The following GDF7 variants were observed in gnomAD, a reference collection of about 807,000 sequenced individuals.
The protein encoded by GDF7 is growth/differentiation factor 7.
Under a neutral mutation model 13.4 loss-of-function variants are expected in GDF7, and 12 were observed. That is an observed-to-expected ratio of 0.90 (90% CI 0.57 to 1.45). The LOEUF is 1.45. GDF7 is among the 40% of genes most tolerant of loss of function. The pLI is 0.00. For synonymous variants in GDF7, 330 were observed against 306.4 expected (o/e 1.08, Z -0.80); for missense variants, 651 against 652.4 (o/e 1.00, Z 0.02).
chr2:20,667,677 T>G lies in GDF7; in HGVS notation c.391+47T>G, dbSNP rs773985721. 32 of 1,315,152 alleles carry G rather than the reference T, an allele frequency of 2.4e-5. 1 individual carries two copies. In the South Asian group the frequency reaches 6.2e-4, roughly 26 times the overall value. The allele number at this position is 1,315,152 out of a possible 1,614,324, so 81.5% of individuals were successfully genotyped here. A position where few individuals can be genotyped will look rare whatever the true frequency, so the allele number is the denominator to read the frequency against. ...CCGCCCATCCCGTCAGGTCCTGGGC[T>G]GAGACCAGCCCCGGAGCCGTGCCGC... On this transcript the variant is annotated intron_variant, in intron 1 of 1. Coordinates refer to ENST00000272224, the MANE Select transcript of GDF7 (RefSeq NM_182828.4). This position sits in a 1 kb window ranked among gnomAD's most constrained non-coding sequence, Gnocchi z 6.4.
Position 20,668,588 on chromosome 2 carries a change from C to T in GDF7, c.391+958C>T, listed in dbSNP as rs192985533. 1.6e-4 allele frequency among the ~76,000 whole-genome samples: 25 copies of T among 152,292 alleles called. No individual in the cohort carries two copies. The East Asian group carries it at 1.9e-3, about 12-fold the overall frequency. The stretch of plus-strand genomic sequence containing the variant: ...ATGGAGGGCAGGAGGGAAAGAAAGG[C>T]GAATAGGGCTGGGAAGTGAGCGGGT... On this transcript the variant is annotated intron_variant, in intron 1 of 1. Coordinates refer to ENST00000272224, the MANE Select transcript of GDF7 (RefSeq NM_182828.4).
intron 1 of GDF7, among the ~76,000 whole-genome samples, chr2:20,668,658 C>A (rs540225324): frequency 6.6e-6 from 1 of 152,200 alleles, no homozygotes; most frequent in Admixed American, 6.5e-5. Context: ...AGTCAGCATA[C>A]CTCAGGTCCT....
At position 20,671,328 on chromosome 2, in the gene GDF7, G is replaced by A. The variant is rs146567848; in HGVS notation, c.1256G>A (p.Arg419His). 9.9e-6 allele frequency: 16 copies of A among 1,613,434 alleles called. No homozygotes were observed. The highest frequency in any genetic ancestry group is 1.2e-5 in the Non-Finnish European group (14 of 1,179,934). Residue 419 changes from arginine to histidine, a missense_variant, in exon 2 of 2, where the codon CGC (arginine) becomes CAC (histidine). Physicochemically the swap from Arg to His is conservative, Grantham distance 29. Coordinates refer to ENST00000272224, the MANE Select transcript of GDF7 (RefSeq NM_182828.4). ...CCGGCCTCCTGCTGTGTGCCAGCGCGCCTCAGCCCCATCAGCATCCTCTAC... is the reference window on the plus strand; with the variant it reads ...CCGGCCTCCTGCTGTGTGCCAGCGCACCTCAGCCCCATCAGCATCCTCTAC... ...AAPASCCVPA[R>H]LSPISILYID...
chr2:20,667,587 T>A lies in GDF7; in HGVS notation c.348T>A (p.Gly116=). 1 of 1,513,032 alleles carries A rather than the reference T, an allele frequency of 6.6e-7. No individual in the cohort carries two copies. Among genetic ancestry groups the A allele is most frequent in the Non-Finnish European group, 8.8e-7 (1 of 1,137,574 alleles). 93.7% of individuals were successfully genotyped at this position (1,513,032 alleles called of 1,614,324 possible). ...CCGCTGTCTCCGCCTCGGGCCATGG[T>A]CGCGCGGACACGATCACCGGCTTCA... ...GAAAVSASGH[G]RADTITGFTD... The change falls in exon 1 of 2, where the codon GGT becomes GGA. Residue 116 remains glycine (G), a synonymous_variant. Transcript: ENST00000272224. This position sits in a 1 kb window ranked among gnomAD's most constrained non-coding sequence, Gnocchi z 6.4.
Position 20,667,318 on chromosome 2 carries a change from G to A in GDF7, c.79G>A (p.Ala27Thr), listed in dbSNP as rs1695979525. ...CRPRDGLEAA[A>T]VLRAAGAGPV... ...CCCCCGCGACGGGCTGGAAGCGGCC[G>A]CCGTGCTGCGAGCGGCGGGGGCTGG... The change falls in exon 1 of 2, where the codon GCC becomes ACC. Residue 27 changes from alanine (A) to threonine (T), a missense_variant. By Grantham distance (58) the Ala-to-Thr change is moderately conservative. This residue lies in a region of GDF7 where 61 missense variants were observed against 50.5 expected (regional missense o/e 1.21). Coordinates refer to ENST00000272224, the MANE Select transcript of GDF7 (RefSeq NM_182828.4). The surrounding 1 kb of genome is among the most constrained non-coding windows in gnomAD (Gnocchi z 6.4). 3 of 1,103,392 alleles carry A rather than the reference G, an allele frequency of 2.7e-6. No homozygotes were observed. The highest frequency in any genetic ancestry group is 2.2e-6 in the Non-Finnish European group (2 of 906,596). 68.4% of individuals were successfully genotyped at this position (1,103,392 alleles called of 1,614,324 possible). A position where few individuals can be genotyped will look rare whatever the true frequency, so the allele number is the denominator to read the frequency against.
Position 20,671,000 on chromosome 2 carries a change from C to A in GDF7, c.928C>A (p.Pro310Thr). Residue 310 changes from proline (P) to threonine (T), a missense_variant, in exon 2 of 2, where the codon CCA becomes ACA. Around this residue, in one of 4 missense-constraint regions of GDF7, gnomAD observed 487 missense variants for 445.9 expected, o/e 1.09. Coordinates refer to ENST00000272224, the MANE Select transcript of GDF7 (RefSeq NM_182828.4). ...LPDPGTGTAS[P>T]RAVIGGRRRR... ...CGACCCAGGAACCGGCACCGCGTCG[C>A]CAAGGGCAGTCATTGGCGGCCGCAG... 6.4e-7 allele frequency: 1 copy of A among 1,550,424 alleles called. No homozygotes were observed.
At position 20,670,860 on chromosome 2, in the gene GDF7, A is replaced by G; in HGVS notation, c.788A>G (p.Glu263Gly). Residue 263 changes from glutamate (E) to glycine (G), a missense_variant, in exon 2 of 2, where the codon GAG (glutamate) becomes GGG (glycine). This residue lies in a region of GDF7 where 487 missense variants were observed against 445.9 expected (regional missense o/e 1.09). Transcript: ENST00000272224. Reference sequence around the variant, plus strand: ...CCGGGCGGAGGGGGCTCTGCGGCAGAGGAGCGCGCGGTGCTAGTCGTCTCC... The same window carrying G: ...CCGGGCGGAGGGGGCTCTGCGGCAGGGGAGCGCGCGGTGCTAGTCGTCTCC... ...GWPGGGGSAA[E>G]ERAVLVVSSR... The G allele has an allele frequency of 1.3e-6, 2 of 1,505,906 alleles. No individual in the cohort carries two copies. The highest frequency in any genetic ancestry group is 1.8e-6 in the Non-Finnish European group (2 of 1,134,412). 93.3% of individuals were successfully genotyped at this position (1,505,906 alleles called of 1,614,324 possible).
intron 1 of GDF7, among the ~76,000 whole-genome samples, chr2:20,668,370 A>AC (rs1217708027): frequency 2.0e-5 from 3 of 151,884 alleles, no homozygotes; most frequent in Non-Finnish European, 4.4e-5. Context: ...TAGACTAAGC[A>AC]CCCCACCTTG....
rs1695990979 is a variant in GDF7, at chr2:20,667,653, C to T, written c.391+23C>T. On this transcript the variant is annotated intron_variant, in intron 1 of 1. Transcript: ENST00000272224. This position sits in a 1 kb window ranked among gnomAD's most constrained non-coding sequence, Gnocchi z 6.4. Reference sequence around the variant, plus strand: ...AAGGTACTTACGCCTCTTCTGTGCCCGCCCATCCCGTCAGGTCCTGGGCTG... The same window carrying T: ...AAGGTACTTACGCCTCTTCTGTGCCTGCCCATCCCGTCAGGTCCTGGGCTG... 2.2e-6 allele frequency: 3 copies of T among 1,391,854 alleles called. No homozygotes were observed. Among genetic ancestry groups the T allele is most frequent in the South Asian group, 1.6e-5 (1 of 61,714 alleles). 86.2% of individuals were successfully genotyped at this position (1,391,854 alleles called of 1,614,324 possible). A position where few individuals can be genotyped will look rare whatever the true frequency, so the allele number is the denominator to read the frequency against.
At chr2:20,670,405 A>G in intron 1 of GDF7, 59 bp from the exon 2 acceptor site, 2 of 1,441,660 alleles carry the variant, frequency 1.4e-6, no homozygotes, top group African/African-American at 3.0e-5. Context: ...CCGCGCTGAC[A>G]GTGTGCAGGA....
In GDF7 at chr2:20,671,294, G is replaced by A; in HGVS notation, c.1222G>A (p.Asp408Asn). ...IQTLLNSMAP[D>N]AAPASCCVPA... is the part of the protein sequence containing the mutation. The stretch of plus-strand genomic sequence containing the variant: ...GACGCTGCTCAACTCCATGGCACCA[G>A]ACGCGGCGCCGGCCTCCTGCTGTGT... Residue 408 changes from aspartate to asparagine, a missense_variant, in exon 2 of 2, where the codon GAC (aspartate) becomes AAC (asparagine). Asp to Asn is a conservative substitution (Grantham distance 23). Around this residue, in one of 4 missense-constraint regions of GDF7, gnomAD observed 101 missense variants for 139.2 expected, o/e 0.73. Coordinates refer to ENST00000272224, the MANE Select transcript of GDF7 (RefSeq NM_182828.4). The A allele has an allele frequency of 2.5e-6, 4 of 1,613,832 alleles. No homozygotes were observed. The South Asian group carries it at 4.4e-5, about 18-fold the overall frequency.
chr2:20,667,555 G>A lies in GDF7; in HGVS notation c.316G>A (p.Gly106Arg). 2 of 1,483,038 alleles carry A rather than the reference G, an allele frequency of 1.3e-6. No homozygotes were observed. The highest frequency in any genetic ancestry group is 2.2e-5 in the Admixed American group (1 of 44,962). 91.9% of individuals were successfully genotyped at this position (1,483,038 alleles called of 1,614,324 possible). Residue 106 changes from glycine to arginine, a missense_variant, in exon 1 of 2, where the codon GGG becomes AGG. Coordinates refer to ENST00000272224, the MANE Select transcript of GDF7 (RefSeq NM_182828.4). The surrounding 1 kb of genome is among the most constrained non-coding windows in gnomAD (Gnocchi z 6.4). ...YRSLAGRAPA[G>R]AAAVSASGHG... ...GAGCCTGGCCGGGAGGGCTCCGGCC[G>A]GGGCAGCCGCTGTCTCCGCCTCGGG...
rs1662210823 is a variant in GDF7, at chr2:20,675,810, A to G, written c.*4385A>G. The G allele has an allele frequency of 1.3e-5, 2 of 152,150 alleles. No individual in the cohort carries two copies. The highest frequency in any genetic ancestry group is 4.1e-4 in the South Asian group (2 of 4,826). 9.4% of individuals were successfully genotyped at this position (152,150 alleles called of 1,614,324 possible). A position where few individuals can be genotyped will look rare whatever the true frequency, so the allele number is the denominator to read the frequency against. On this transcript the variant is annotated 3_prime_UTR_variant, in exon 2 of 2. Transcript: ENST00000272224. ...GTGTGCGTGTGTCCATTTTACTCCT[A>G]TCCTTAATAGGTGCCTCATGGATGT...
Position 20,670,970 on chromosome 2 carries a change from C to T in GDF7, c.898C>T (p.Leu300=). 1 of 1,558,682 alleles carries T rather than the reference C, an allele frequency of 6.4e-7. No homozygotes were observed. ...ALGAALASEP[L]PDPGTGTASP... ...CGGGGCCGCTCTGGCCTCAGAGCCG[C>T]TGCCCGACCCAGGAACCGGCACCGC... The change falls in exon 2 of 2, where the codon CTG becomes TTG. Residue 300 remains leucine (L), a synonymous_variant. Coordinates refer to ENST00000272224, the MANE Select transcript of GDF7 (RefSeq NM_182828.4).
Position 20,667,176 on chromosome 2 carries a change from G to T in GDF7, c.-64G>T. 9.2e-7 allele frequency: 1 copy of T among 1,086,570 alleles called. No homozygotes were observed. The highest frequency in any genetic ancestry group is 1.1e-6 in the Non-Finnish European group (1 of 894,910). The allele number at this position is 1,086,570 out of a possible 1,614,324, so 67.3% of individuals were successfully genotyped here. Reference sequence around the variant, plus strand: ...CCATTATTAAACACTATGTTCAAAAGGCGCCGGGGGACTTCCCGGAGCCAC... The same window carrying T: ...CCATTATTAAACACTATGTTCAAAATGCGCCGGGGGACTTCCCGGAGCCAC... On this transcript the variant is annotated 5_prime_UTR_variant, in exon 1 of 2. In the 5' UTR this introduces an upstream ATG that the reference lacks. Transcript: ENST00000272224. This position sits in a 1 kb window ranked among gnomAD's most constrained non-coding sequence, Gnocchi z 6.4.
rs766545045 is a variant in GDF7 at position 20,670,543 on chromosome 2, C to G, written c.471C>G (p.Ala157=). 7 of 1,604,958 alleles carry G rather than the reference C, an allele frequency of 4.4e-6. No individual in the cohort carries two copies. The South Asian group carries it at 5.6e-5, about 13-fold the overall frequency. ...SLNDADEVVG[A]ELRVLRRGSP... Reference sequence around the variant, plus strand: ...ACGACGCAGACGAGGTGGTGGGTGCCGAGCTGCGCGTGCTGCGCCGGGGAT... The same window carrying G: ...ACGACGCAGACGAGGTGGTGGGTGCGGAGCTGCGCGTGCTGCGCCGGGGAT... The change falls in exon 2 of 2, where the codon GCC becomes GCG. Residue 157 remains alanine (A), a synonymous_variant. Transcript: ENST00000272224.
Position 20,670,688 on chromosome 2 carries a change from C to A in GDF7, c.616C>A (p.Gln206Lys). ...YSRAAEPLVG[Q>K]RWEAFDVADA... Reference sequence around the variant, plus strand: ...GCGGGCAGCTGAGCCCCTAGTCGGTCAGCGCTGGGAGGCGTTCGACGTGGC... The same window carrying A: ...GCGGGCAGCTGAGCCCCTAGTCGGTAAGCGCTGGGAGGCGTTCGACGTGGC... The change falls in exon 2 of 2, where the codon CAG becomes AAG. Residue 206 changes from glutamine to lysine, a missense_variant. Gln to Lys is a moderately conservative substitution (Grantham distance 53). This residue lies in a region of GDF7 where 487 missense variants were observed against 445.9 expected (regional missense o/e 1.09). Transcript: ENST00000272224. 2 of 1,509,396 alleles carry A rather than the reference C, an allele frequency of 1.3e-6. No homozygotes were observed. Among genetic ancestry groups the A allele is most frequent in the East Asian group, 2.5e-5 (1 of 39,906 alleles). 93.5% of individuals were successfully genotyped at this position (1,509,396 alleles called of 1,614,324 possible).
At chr2:20,670,396 C>G (rs1227752620) in intron 1 of GDF7, 68 bp from the exon 2 acceptor site, 1 of 1,423,536 alleles carries the variant, frequency 7.0e-7, no homozygotes, top group African/African-American at 1.5e-5. Flanking sequence ...TAGGAGGCCC[C>G]GCGCTGACAG....
Position 20,670,664 on chromosome 2 carries a change from C to T in GDF7, c.592C>T (p.Arg198Trp). 1 of 1,531,060 alleles carries T rather than the reference C, an allele frequency of 6.5e-7. No individual in the cohort carries two copies. Among genetic ancestry groups the T allele is most frequent in the Non-Finnish European group, 8.7e-7 (1 of 1,143,276 alleles). 94.8% of individuals were successfully genotyped at this position (1,531,060 alleles called of 1,614,324 possible). ...CCGAGCGCCACGCCTGCTGTACTCG[C>T]GGGCAGCTGAGCCCCTAGTCGGTCA... ...AARAPRLLYSRAAEPLVGQRW... is the reference protein window; with the variant it reads ...AARAPRLLYSWAAEPLVGQRW... The change falls in exon 2 of 2, where the codon CGG becomes TGG. Residue 198 changes from arginine to tryptophan, a missense_variant. Transcript: ENST00000272224.
Sources: allele counts gnomAD v4.1 joint callset (sites outside exome capture counted in the v4.1 genomes callset), GRCh38; gene constraint gnomAD v4.1.1; regional missense constraint gnomAD v4.1.1; non-coding constraint Gnocchi (gnomAD v3.1); transcripts MANE v1.5; gene names NCBI Gene and HGNC (gene_info 2026-07-23, HGNC 2026-07-21).